ABLIM1: variants seen among roughly 807,000 people sequenced by gnomAD.
ABLIM1 encodes actin binding LIM protein 1, also known as actin-binding LIM protein 1.
In ABLIM1, 40 loss-of-function variants were observed where a neutral mutation model predicts 107.0. The observed-to-expected ratio is 0.37, with a 90% CI of 0.29 to 0.49. The LOEUF is 0.49. Ranked by LOEUF, ABLIM1 falls within the 20% of genes least tolerant of loss-of-function variation. The pLI is 0.97. For missense variants in ABLIM1, 857 were observed against 1,008.5 expected, an observed-to-expected ratio of 0.85 and a Z score of 2.04; for synonymous variants, 357 against 357.3, an observed-to-expected ratio of 1.00 and a Z score of 0.01.
chr10:114,609,777 A>T (rs1256049436), intron 1 of ABLIM1, among the ~76,000 whole-genome samples: 1 of 152,208 alleles, frequency 6.6e-6, no homozygotes, highest in Admixed American at 6.5e-5. Flanking sequence ...TTATTATAAC[A>T]AGTAAAATGC....
intron 1 of ABLIM1, among the ~76,000 whole-genome samples, chr10:114,727,968 A>T (rs1180364665): frequency 6.6e-6 from 1 of 152,196 alleles, no homozygotes; most frequent in East Asian, 1.9e-4. Flanking sequence ...AGCCACCATA[A>T]AAACAAACTG....
chr10:114,667,159 A>G (rs1450843597), intron 1 of ABLIM1, among the ~76,000 whole-genome samples: 1 of 152,224 alleles, frequency 6.6e-6, no homozygotes, highest in Non-Finnish European at 1.5e-5. Context: ...AGTTTAAACC[A>G]AACAGTTGTG....
intron 12 of ABLIM1, chr10:114,463,259 G>A (rs1323263647): frequency 3.5e-6 from 4 of 1,151,156 alleles, no homozygotes; most frequent in Non-Finnish European, 4.5e-6. Context: ...CGTTCCAAGG[G>A]AAAACAAAAT....
At chr10:114,443,001 G>T (rs955941029) in intron 17 of ABLIM1, among the ~76,000 whole-genome samples, 1 of 152,174 alleles carries the variant, frequency 6.6e-6, no homozygotes. Flanking sequence ...ACCACACCTG[G>T]CTGATTTTTG....
intron 6 of ABLIM1, among the ~76,000 whole-genome samples, chr10:114,528,989 C>T (rs2065164505): frequency 6.6e-6 from 1 of 152,180 alleles, no homozygotes; most frequent in Admixed American, 6.5e-5. Context: ...AAGATATTAG[C>T]ATGCAATGTC....
At chr10:114,531,463 G>A (rs746836152) in intron 6 of ABLIM1, among the ~76,000 whole-genome samples, 8 of 152,154 alleles carry the variant, frequency 5.3e-5, no homozygotes, top group African/African-American at 7.2e-5. Context: ...TTCAGGTGCC[G>A]GGACTCAACA....
At chr10:114,594,823 C>T (rs899521402) in intron 2 of ABLIM1, among the ~76,000 whole-genome samples, 4 of 152,122 alleles carry the variant, frequency 2.6e-5, no homozygotes, top group South Asian at 2.1e-4. Flanking sequence ...TTCATTCATT[C>T]GTTCACCTTA....
At chr10:114,701,658 T>C (rs1309570788) in intron 1 of ABLIM1, among the ~76,000 whole-genome samples, 1 of 152,158 alleles carries the variant, frequency 6.6e-6, no homozygotes, top group African/African-American at 2.4e-5. Context: ...GAAAAAGCCT[T>C]ACACAAAACA....
chr10:114,760,417 C>A (rs1420200696), intron 1 of ABLIM1, among the ~76,000 whole-genome samples: 1 of 20,704 alleles, frequency 4.8e-5, no homozygotes, highest in Non-Finnish European at 1.2e-4. Flanking sequence ...CACACACACA[C>A]ACACACACAC....
In ABLIM1 at chr10:114,514,299, A is replaced by G. The variant is rs1007153481; in HGVS notation, c.895-22421T>C. Among the ~76,000 whole-genome samples the G allele has an allele frequency of 2.0e-3, 97 of 48,198 alleles. 2 individuals are homozygous for G. The highest frequency in any genetic ancestry group is 0.013 in the African/African-American group (95 of 7,166). 31.6% of individuals were successfully genotyped at this position (48,198 alleles called of 152,430 possible). On this transcript the variant is annotated intron_variant, in intron 6 of 22. Transcript: ENST00000533213. ...GGGTGACAGAGCGAGACTCTGTCTC[A>G]AAAAAAAAAAAAAAATAAAGTGAAA...
At chr10:114,452,134 A>G (rs1266414103) in intron 13 of ABLIM1, among the ~76,000 whole-genome samples, 4 of 152,228 alleles carry the variant, frequency 2.6e-5, no homozygotes, top group Admixed American at 6.5e-5. Flanking sequence ...AGAAAAATCA[A>G]AAGTTTTTTT....
At chr10:114,669,173 T>C (rs2080148723) in intron 1 of ABLIM1, among the ~76,000 whole-genome samples, 1 of 152,202 alleles carries the variant, frequency 6.6e-6, no homozygotes, top group Non-Finnish European at 1.5e-5. Flanking sequence ...TCTCATTGCA[T>C]TAACTAAATG....
intron 1 of ABLIM1, among the ~76,000 whole-genome samples, chr10:114,627,181 C>T (rs2077867851): frequency 6.6e-6 from 1 of 152,152 alleles, no homozygotes; most frequent in Admixed American, 6.5e-5. Flanking sequence ...TTACAATCAC[C>T]CAACCTGTTG....
intron 1 of ABLIM1, 104 bp from the exon 2 acceptor site, chr10:114,602,065 T>G: frequency 6.9e-7 from 1 of 1,450,456 alleles, no homozygotes; most frequent in South Asian, 1.3e-5. Flanking sequence ...CCACAGAGAT[T>G]GATTCGACAG....
chr10:114,472,406 A>G (rs1373647634), intron 10 of ABLIM1, among the ~76,000 whole-genome samples: 1 of 152,198 alleles, frequency 6.6e-6, no homozygotes, highest in Non-Finnish European at 1.5e-5. Flanking sequence ...AACTAGCAGC[A>G]GAATGGCTGT....
At chr10:114,594,596 A>G (rs1350840564) in intron 2 of ABLIM1, among the ~76,000 whole-genome samples, 2 of 152,204 alleles carry the variant, frequency 1.3e-5, no homozygotes, top group South Asian at 2.1e-4. Context: ...CTAAAAATAC[A>G]AAAATTATCT....
At chr10:114,578,985 C>T (rs1260786438) in intron 2 of ABLIM1, among the ~76,000 whole-genome samples, 6 of 151,904 alleles carry the variant, frequency 3.9e-5, no homozygotes, top group Non-Finnish European at 7.4e-5. Flanking sequence ...TGGGGTTTCA[C>T]CACATTGGCC....
chr10:114,573,716 T>C (rs7073080), intron 3 of ABLIM1, among the ~76,000 whole-genome samples: 1,662 of 152,320 alleles, frequency 0.011, 26 homozygotes, highest in African/African-American at 0.038. Flanking sequence ...GAGATTCCAG[T>C]GATGAGCGAG....
intron 1 of ABLIM1, chr10:114,690,631 G>A: frequency 1.3e-6 from 1 of 751,792 alleles, no homozygotes; most frequent in Non-Finnish European, 2.4e-6. Context: ...AACACCGTGG[G>A]ATTGACTATG....
Sources: gnomAD v4.1 joint callset for allele counts (sites outside exome capture counted in the v4.1 genomes callset) on GRCh38, gnomAD v4.1.1 for gene constraint, MANE v1.5 for transcripts, NCBI Gene and HGNC (gene_info 2026-07-23, HGNC 2026-07-21) for gene names.